The following TRDN variants were observed in gnomAD, a reference collection of about 807,000 sequenced individuals.
TRDN encodes triadin, also known as triadin in skeletal muscle.
In TRDN, 161 loss-of-function variants were observed where a neutral mutation model predicts 149.7. The ratio of observed to expected loss-of-function variants is 1.08; its 90% CI spans 0.95 to 1.23. TRDN has a LOEUF of 1.23. Among genes scored for constraint, TRDN ranks in the 50% most tolerant of loss-of-function variants. The probability of loss-of-function intolerance (pLI) is 0.00; values close to 1 mark genes in which losing one functional copy is unlikely to be tolerated. For missense variants in TRDN, 896 were observed against 823.5 expected, an observed-to-expected ratio of 1.09 and a Z score of -1.08; for synonymous variants, 294 against 250.5, an observed-to-expected ratio of 1.17 and a Z score of -1.64.
intron 1 of TRDN, among the ~76,000 whole-genome samples, chr6:123,605,150 C>T (rs919737932): frequency 6.6e-6 from 1 of 151,126 alleles, no homozygotes; most frequent in East Asian, 1.9e-4. Context: ...AACAAAGTAG[C>T]CAGGTGGTAT....
chr6:123,610,167 G>A (rs1448943874), intron 1 of TRDN, among the ~76,000 whole-genome samples: 1 of 152,150 alleles, frequency 6.6e-6, no homozygotes, highest in Non-Finnish European at 1.5e-5. Context: ...AGTTTCACAA[G>A]TGCCATGTCT....
At chr6:123,412,487 G>A (rs914976651) in intron 12 of TRDN, among the ~76,000 whole-genome samples, 1 of 152,178 alleles carries the variant, frequency 6.6e-6, no homozygotes, top group Admixed American at 6.5e-5. Flanking sequence ...ACCAATATAG[G>A]AAGTTTAATT....
At chr6:123,552,627 T>C (rs532305911) in intron 2 of TRDN, among the ~76,000 whole-genome samples, 1 of 152,164 alleles carries the variant, frequency 6.6e-6, no homozygotes, top group East Asian at 1.9e-4. Flanking sequence ...TGCCTTTGTT[T>C]AAAATGTTGA....
chr6:123,221,425 A>T, intron 40 of TRDN, 62 bp downstream of exon 40: 1 of 1,246,950 alleles, frequency 8.0e-7, no homozygotes, highest in Non-Finnish European at 1.1e-6. Context: ...TAACATTTTT[A>T]CATAGATGTA....
chr6:123,394,035 A>T (rs1772621207), intron 12 of TRDN, among the ~76,000 whole-genome samples: 1 of 152,164 alleles, frequency 6.6e-6, no homozygotes, highest in Non-Finnish European at 1.5e-5. Context: ...TGGCACATGT[A>T]GAACCAAATA....
intron 1 of TRDN, among the ~76,000 whole-genome samples, chr6:123,587,794 G>A (rs1294910434): frequency 1.3e-5 from 2 of 151,326 alleles, no homozygotes; most frequent in Non-Finnish European, 2.9e-5. Context: ...GGCAGGAGTG[G>A]GGGTCACAAG....
intron 12 of TRDN, among the ~76,000 whole-genome samples, chr6:123,435,906 G>C (rs1774542048): frequency 6.6e-6 from 1 of 151,888 alleles, no homozygotes; most frequent in African/African-American, 2.4e-5. Flanking sequence ...CCAGTGGCAG[G>C]GGAGTATCAG....
chr6:123,273,364 C>A lies in TRDN; in HGVS notation c.1598-1G>T. 2.0e-6 allele frequency: 2 copies of A among 981,412 alleles called. No individual in the cohort carries two copies. The highest frequency in any genetic ancestry group is 1.8e-5 in the South Asian group (1 of 55,592). 60.8% of individuals were successfully genotyped at this position (981,412 alleles called of 1,614,324 possible). ...TGTATTTGCACTTTTTCAGATATAGCTAAAATAAATAAATAACATATTAGA... is the reference window on the plus strand; with the variant it reads ...TGTATTTGCACTTTTTCAGATATAGATAAAATAAATAAATAACATATTAGA... On this transcript the variant is annotated splice_acceptor_variant, in intron 27 of 40. Coordinates refer to ENST00000334268, the MANE Select transcript of TRDN (RefSeq NM_006073.4). LOFTEE classifies it high-confidence loss of function.
At chr6:123,592,495 G>A (rs536795362) in intron 1 of TRDN, among the ~76,000 whole-genome samples, 1 of 152,228 alleles carries the variant, frequency 6.6e-6, no homozygotes, top group Non-Finnish European at 1.5e-5. Flanking sequence ...AATGCAGGGT[G>A]GACTCTAGGC....
In TRDN at chr6:123,464,350, A is replaced by G. The variant is rs1776657443; in HGVS notation, c.931+556T>C. On this transcript the variant is annotated intron_variant, in intron 10 of 40. Coordinates refer to ENST00000334268, the MANE Select transcript of TRDN (RefSeq NM_006073.4). ...CCACCAGTTGTATATAGTACTTATA[A>G]ACTATACATATACATAAAACAGTAT... The G allele has an allele frequency of 3.1e-6, 3 of 974,536 alleles. No individual in the cohort carries two copies. In the South Asian group the frequency reaches 1.4e-4, roughly 46 times the overall value. 60.4% of individuals were successfully genotyped at this position (974,536 alleles called of 1,614,324 possible). A position where few individuals can be genotyped will look rare whatever the true frequency, so the allele number is the denominator to read the frequency against.
Position 123,570,316 on chromosome 6 carries a change from T to C in TRDN, c.232+607A>G, listed in dbSNP as rs1782500594. 2.6e-5 allele frequency among the ~76,000 whole-genome samples: 4 copies of C among 152,276 alleles called. No individual in the cohort carries two copies. In the South Asian group the frequency reaches 8.3e-4, roughly 32 times the overall value. On this transcript the variant is annotated intron_variant, in intron 2 of 40. Transcript: ENST00000334268. ...GGGAGCTCACAGTCAATAGAGGGTG[T>C]CATATGTCAAAATAAATAAATACAG...
chr6:123,617,636 A>G (rs1308320206), intron 1 of TRDN, among the ~76,000 whole-genome samples: 1 of 152,168 alleles, frequency 6.6e-6, no homozygotes, highest in Non-Finnish European at 1.5e-5. Context: ...GAGCTCTGTG[A>G]CCTTGATAAA....
At chr6:123,257,425 T>A (rs1216962058) in intron 35 of TRDN, among the ~76,000 whole-genome samples, 1 of 152,210 alleles carries the variant, frequency 6.6e-6, no homozygotes, top group African/African-American at 2.4e-5. Flanking sequence ...CTTGTTTTTG[T>A]CAGGTTTGTC....
At chr6:123,523,688 G>T (rs937803270) in intron 5 of TRDN, among the ~76,000 whole-genome samples, 1 of 152,248 alleles carries the variant, frequency 6.6e-6, no homozygotes, top group East Asian at 1.9e-4. Flanking sequence ...GCTAAGTAGG[G>T]TTGAGCTCTA....
Position 123,310,786 on chromosome 6 carries a change from G to A in TRDN, c.1510+5671C>T, listed in dbSNP as rs551021066. Reference sequence around the variant, plus strand: ...GAAGAAAGGATTTCTGCCTGAACAGGTTTTTAATGCAAAGGAAAGTGACCC... The same window carrying A: ...GAAGAAAGGATTTCTGCCTGAACAGATTTTTAATGCAAAGGAAAGTGACCC... On this transcript the variant is annotated intron_variant, in intron 24 of 40. Coordinates refer to ENST00000334268, the MANE Select transcript of TRDN (RefSeq NM_006073.4). 9.8e-4 allele frequency among the ~76,000 whole-genome samples: 149 copies of A among 152,002 alleles called. No homozygotes were observed. The Middle Eastern group carries it at 0.01, about 10-fold the overall frequency.
At chr6:123,604,607 ATCTAGGGT>A (rs1247966911) in intron 1 of TRDN, among the ~76,000 whole-genome samples, 1 of 152,186 alleles carries the variant, frequency 6.6e-6, no homozygotes, top group Non-Finnish European at 1.5e-5. Flanking sequence ...TTTTGCAGAA[ATCTAGGGT>A]TTTTGTGATA....
chr6:123,221,450 G>A, intron 40 of TRDN, 37 bp downstream of exon 40: 2 of 1,448,418 alleles, frequency 1.4e-6, no homozygotes, highest in Non-Finnish European at 1.9e-6. Context: ...CTTTAATACA[G>A]AATGATTTAT....
At chr6:123,437,326 A>G in intron 12 of TRDN, 1 of 315,620 alleles carries the variant, frequency 3.2e-6, no homozygotes. Context: ...CATTTACTTC[A>G]GAAAACTGGA....
chr6:123,390,116 G>T (rs1230300588), intron 13 of TRDN, among the ~76,000 whole-genome samples: 7 of 152,034 alleles, frequency 4.6e-5, no homozygotes, highest in East Asian at 1.9e-4. Context: ...AAGGAGCTCT[G>T]GTCAATGAAT....
Sources: gnomAD v4.1 joint callset for allele counts (sites outside exome capture counted in the v4.1 genomes callset) on GRCh38, gnomAD v4.1.1 for gene constraint, MANE v1.5 for transcripts, NCBI Gene and HGNC (gene_info 2026-07-23, HGNC 2026-07-21) for gene names.